SRGAP1: variants seen among roughly 807,000 people sequenced by gnomAD.
SRGAP1 encodes SLIT-ROBO Rho GTPase-activating protein 1.
A neutral mutation model predicts 121.9 loss-of-function variants in SRGAP1; 43 were observed. The observed-to-expected ratio is 0.35, with a 90% CI of 0.28 to 0.46. The LOEUF is 0.46. SRGAP1 is among the 20% of genes least tolerant of loss of function. SRGAP1 has a pLI of 1.00. For synonymous variants in SRGAP1, 447 were observed against 485.4 expected, an observed-to-expected ratio of 0.92 and a Z score of 1.04; for missense variants, 1,102 against 1,350.9, an observed-to-expected ratio of 0.82 and a Z score of 2.89.
At chr12:63,891,785 G>C (rs1900589134) in intron 1 of SRGAP1, among the ~76,000 whole-genome samples, 2 of 151,848 alleles carry the variant, frequency 1.3e-5, no homozygotes, top group African/African-American at 4.8e-5. Flanking sequence ...CCAGGAGTTC[G>C]AGACCAGCCT....
intron 3 of SRGAP1, among the ~76,000 whole-genome samples, chr12:64,008,314 A>G (rs1375972476): frequency 6.6e-6 from 1 of 152,158 alleles, no homozygotes; most frequent in East Asian, 1.9e-4. Context: ...CTCTGATTGT[A>G]TTCAGCAACC....
chr12:63,853,940 C>T (rs914315104), intron 1 of SRGAP1, among the ~76,000 whole-genome samples: 4 of 152,206 alleles, frequency 2.6e-5, no homozygotes, highest in Non-Finnish European at 2.9e-5. Context: ...GTTTACAACT[C>T]ATTTATATAC....
At chr12:64,041,399 T>TTTA (rs1565652856) in intron 4 of SRGAP1, among the ~76,000 whole-genome samples, 35,986 of 122,030 alleles carry the variant, frequency 0.29, 5,568 homozygotes, top group Non-Finnish European at 0.38. Context: ...TTATTTATTT[T>TTTA]TTTGAGGCAA....
At chr12:63,981,466 T>C (rs2033244562) in intron 1 of SRGAP1, among the ~76,000 whole-genome samples, 1 of 152,232 alleles carries the variant, frequency 6.6e-6, no homozygotes, top group African/African-American at 2.4e-5. Flanking sequence ...TACTTCATCT[T>C]AAAAGACTTA....
chr12:64,042,804 C>G lies in SRGAP1; in HGVS notation c.504C>G (p.Tyr168Ter). 1 of 1,613,218 alleles carries G rather than the reference C, an allele frequency of 6.2e-7. No homozygotes were observed. ...CTTTTCCACAGGTGATGAAAACATA[C>G]CATATGTATCATGCAGAGAGCATCA... ...LNELYTVMKT[Y>*]HMYHAESISA... Residue 168 changes from tyrosine to a stop codon, truncating the protein, a stop_gained, in exon 5 of 22, where the codon TAC (tyrosine) becomes TAG (stop). Transcript: ENST00000355086. LOFTEE classifies it high-confidence loss of function.
At chr12:64,043,409 T>C in intron 5 of SRGAP1, 38 bp from the exon 6 acceptor site, 1 of 1,587,948 alleles carries the variant, frequency 6.3e-7, no homozygotes, top group Non-Finnish European at 8.6e-7. Flanking sequence ...AAAATGACTT[T>C]GCATTCTTTC....
chr12:64,037,236 C>G (rs1348783804), intron 4 of SRGAP1, among the ~76,000 whole-genome samples: 1 of 152,162 alleles, frequency 6.6e-6, no homozygotes, highest in Non-Finnish European at 1.5e-5. Flanking sequence ...GTGACTGACT[C>G]AGAGTGGTAC....
chr12:64,040,447 A>G (rs61931196), intron 4 of SRGAP1, among the ~76,000 whole-genome samples: 27,398 of 152,172 alleles, frequency 0.18, 3,292 homozygotes, highest in Non-Finnish European at 0.27. Flanking sequence ...GTACTGCCAC[A>G]AATGCTTAGC....
intron 1 of SRGAP1, among the ~76,000 whole-genome samples, chr12:63,975,600 C>T (rs542140248): frequency 2.6e-4 from 40 of 151,592 alleles, no homozygotes; most frequent in African/African-American, 9.4e-4. Flanking sequence ...TTTTTTTTCT[C>T]ATAAGATTTC....
At chr12:64,125,940 C>A (rs1239624504) in intron 18 of SRGAP1, 37 bp from the exon 19 acceptor site, 1 of 1,601,466 alleles carries the variant, frequency 6.2e-7, no homozygotes. Flanking sequence ...TTCCTAACAA[C>A]CCTGTTTCTC....
At chr12:64,098,652 A>G (rs566539722) in intron 15 of SRGAP1, among the ~76,000 whole-genome samples, 149 of 151,820 alleles carry the variant, frequency 9.8e-4, no homozygotes, top group Admixed American at 3.3e-3. Flanking sequence ...CCTCGGTGAC[A>G]GAGCAAGACT....
rs2037086086 is a variant in SRGAP1 at position 64,148,602 on chromosome 12, T to C, written c.*5930T>C. The C allele has an allele frequency of 1.3e-5, 2 of 151,902 alleles. No individual in the cohort carries two copies. Among genetic ancestry groups the C allele is most frequent in the African/African-American group, 2.4e-5 (1 of 41,264 alleles). 9.4% of individuals were successfully genotyped at this position (151,902 alleles called of 1,614,324 possible). Reference sequence around the variant, plus strand: ...ATCTGGCCAGGTATTTTTCTTTAAATATAAAAAAAAGATAACTTGAGGTCT... The same window carrying C: ...ATCTGGCCAGGTATTTTTCTTTAAACATAAAAAAAAGATAACTTGAGGTCT... On this transcript the variant is annotated 3_prime_UTR_variant, in exon 22 of 22. Transcript: ENST00000355086.
intron 8 of SRGAP1, among the ~76,000 whole-genome samples, chr12:64,076,093 G>A (rs183990062): frequency 9.9e-5 from 15 of 152,278 alleles, no homozygotes; most frequent in Admixed American, 9.2e-4. Context: ...ATTTTGAACA[G>A]TAATAAAATC....
intron 1 of SRGAP1, among the ~76,000 whole-genome samples, chr12:63,871,406 A>T (rs911336843): frequency 6.0e-4 from 92 of 152,220 alleles, no homozygotes; most frequent in Non-Finnish European, 3.4e-4. Flanking sequence ...TTGAGGATTA[A>T]TGGTTCAATT....
chr12:63,857,720 T>C (rs1899304514), intron 1 of SRGAP1, among the ~76,000 whole-genome samples: 1 of 152,210 alleles, frequency 6.6e-6, no homozygotes, highest in South Asian at 2.1e-4. Context: ...GCTAGTCTGC[T>C]ATTTCAAAGA....
intron 2 of SRGAP1, among the ~76,000 whole-genome samples, chr12:63,984,969 T>G (rs1396354891): frequency 1.3e-5 from 2 of 148,750 alleles, no homozygotes; most frequent in South Asian, 2.1e-4. Flanking sequence ...TGAGCTGAGA[T>G]TGCAACACTG....
Position 64,145,866 on chromosome 12 carries a change from T to C in SRGAP1, c.*3194T>C, listed in dbSNP as rs2037043646. Reference sequence around the variant, plus strand: ...GTTCTGCCCCCAATTTCAAGGAGCTTATCAGGCTTCATGTGCAATTTGGGG... The same window carrying C: ...GTTCTGCCCCCAATTTCAAGGAGCTCATCAGGCTTCATGTGCAATTTGGGG... On this transcript the variant is annotated 3_prime_UTR_variant, in exon 22 of 22. Transcript: ENST00000355086. 6.6e-6 allele frequency: 1 copy of C among 152,156 alleles called. No individual in the cohort carries two copies. Among genetic ancestry groups the C allele is most frequent in the South Asian group, 2.1e-4 (1 of 4,824 alleles). 9.4% of individuals were successfully genotyped at this position (152,156 alleles called of 1,614,324 possible).
chr12:63,983,188 A>C (rs997858826), intron 1 of SRGAP1: 2 of 152,248 alleles, frequency 1.3e-5, no homozygotes, highest in African/African-American at 4.8e-5. Context: ...AAAAATTACC[A>C]GATGTCAGTC....
intron 14 of SRGAP1, among the ~76,000 whole-genome samples, chr12:64,095,466 T>A (rs1452346640): frequency 6.6e-6 from 1 of 152,098 alleles, no homozygotes; most frequent in African/African-American, 2.4e-5. Context: ...GTATAGCAAA[T>A]GTGGGGCCGA....
Sources: gnomAD v4.1 joint callset for allele counts (sites outside exome capture counted in the v4.1 genomes callset) on GRCh38, gnomAD v4.1.1 for gene constraint, MANE v1.5 for transcripts, NCBI Gene and HGNC (gene_info 2026-07-23, HGNC 2026-07-21) for gene names.